SSR1: variants seen among roughly 807,000 people sequenced by gnomAD.
SSR1 encodes translocon-associated protein subunit alpha.
In SSR1, 13 loss-of-function variants were observed where a neutral mutation model predicts 36.1. The ratio of observed to expected loss-of-function variants is 0.36; its 90% CI spans 0.23 to 0.57. The LOEUF is 0.57. Among genes scored for constraint, SSR1 ranks in the 20% least tolerant of loss-of-function variants. The pLI is 0.81. For synonymous variants in SSR1, 113 were observed against 118.9 expected, an observed-to-expected ratio of 0.95 and a Z score of 0.32; for missense variants, 291 against 338.5, an observed-to-expected ratio of 0.86 and a Z score of 1.10.
intron 3 of SSR1, among the ~76,000 whole-genome samples, chr6:7,302,304 G>A (rs1329122608): frequency 2.0e-5 from 3 of 152,206 alleles, no homozygotes; most frequent in South Asian, 4.1e-4. Context: ...TCTGGATCCT[G>A]TGTTCTCCAA....
intron 5 of SSR1, among the ~76,000 whole-genome samples, chr6:7,298,326 C>T (rs1757847874): frequency 6.6e-6 from 1 of 152,050 alleles, no homozygotes; most frequent in African/African-American, 2.4e-5. Context: ...TTAAAAATTA[C>T]CTTAAGTGAA....
At chr6:7,294,499 C>A (rs1757749484) in intron 7 of SSR1, among the ~76,000 whole-genome samples, 1 of 151,320 alleles carries the variant, frequency 6.6e-6, no homozygotes, top group African/African-American at 2.4e-5. Context: ...GCCAGCCAGG[C>A]CAACATGGTG....
chr6:7,307,134 T>G (rs78571756), intron 2 of SSR1, among the ~76,000 whole-genome samples: 1 of 152,024 alleles, frequency 6.6e-6, no homozygotes, highest in African/African-American at 2.4e-5. Flanking sequence ...CAGCTGAGTA[T>G]AGGGTGATAA....
At chr6:7,300,746 G>T (rs1315254049) in intron 4 of SSR1, among the ~76,000 whole-genome samples, 6 of 151,468 alleles carry the variant, frequency 4.0e-5, no homozygotes, top group Non-Finnish European at 8.9e-5. Context: ...AGGTTCAAGT[G>T]ATTCTCCTGC....
Position 7,284,172 on chromosome 6 carries a change from T to C in SSR1, c.*5692A>G, listed in dbSNP as rs1757494982. 1 of 152,258 alleles carries C rather than the reference T, an allele frequency of 6.6e-6. No homozygotes were observed. The highest frequency in any genetic ancestry group is 1.5e-5 in the Non-Finnish European group (1 of 68,048). The allele number at this position is 152,258 out of a possible 1,614,324, so 9.4% of individuals were successfully genotyped here. A position where few individuals can be genotyped will look rare whatever the true frequency, so the allele number is the denominator to read the frequency against. On this transcript the variant is annotated 3_prime_UTR_variant, in exon 8 of 8. Transcript: ENST00000244763. ...ATTTTCTTTGGGTGGTTCAGTCTGATGCTGAAATAAATTGCAAGATGATTT... is the reference window on the plus strand; with the variant it reads ...ATTTTCTTTGGGTGGTTCAGTCTGACGCTGAAATAAATTGCAAGATGATTT...
chr6:7,297,802 A>T, intron 6 of SSR1, 121 bp downstream of exon 6: 1 of 641,484 alleles, frequency 1.6e-6, no homozygotes, highest in Non-Finnish European at 2.7e-6. Context: ...TTAAAAAGGT[A>T]CAACAAAGTT....
rs1429360118 is a variant in SSR1, at chr6:7,281,571, T to C, written c.*8293A>G. 1 of 152,262 alleles carries C rather than the reference T, an allele frequency of 6.6e-6. No homozygotes were observed. Among genetic ancestry groups the C allele is most frequent in the African/African-American group, 2.4e-5 (1 of 41,468 alleles). 9.4% of individuals were successfully genotyped at this position (152,262 alleles called of 1,614,324 possible). A position where few individuals can be genotyped will look rare whatever the true frequency, so the allele number is the denominator to read the frequency against. ...CCACAAGTATTTCATCCCAACTAAA[T>C]TCCAATTTCTTCAATGTTCTCTGAG... On this transcript the variant is annotated 3_prime_UTR_variant, in exon 8 of 8. Coordinates refer to ENST00000244763, the MANE Select transcript of SSR1 (RefSeq NM_003144.5).
At chr6:7,301,246 T>A (rs1053230544) in intron 4 of SSR1, 64 bp downstream of exon 4, 3 of 1,555,962 alleles carry the variant, frequency 1.9e-6, no homozygotes, top group Admixed American at 3.9e-5. Context: ...TATATTCTAT[T>A]AAACAACGTC....
At position 7,298,820 on chromosome 6, in the gene SSR1, T is replaced by G. The variant is rs569383480; in HGVS notation, c.547A>C (p.Asn183His). The G allele has an allele frequency of 2.1e-4, 331 of 1,611,902 alleles. 2 individuals carry two copies. The South Asian group carries it at 3.4e-3, about 16-fold the overall frequency. ...INLNYKDLNG[N>H]VFQDAVFNQT... ...TTGAAGACTGCATCTTGGAATACAT[T>G]GCCCTGTTTAAGAAAATAAAATAAT... The change falls in exon 5 of 8, where the codon AAT (asparagine) becomes CAT (histidine). Residue 183 changes from asparagine (N) to histidine (H), a missense_variant. By Grantham distance (68) the Asn-to-His change is moderately conservative. Transcript: ENST00000244763.
At chr6:7,305,030 T>C (rs1758025134) in intron 2 of SSR1, among the ~76,000 whole-genome samples, 1 of 152,184 alleles carries the variant, frequency 6.6e-6, no homozygotes, top group African/African-American at 2.4e-5. Flanking sequence ...TAAGTTTCTA[T>C]TCTGAGAAAA....
intron 4 of SSR1, 59 bp from the exon 5 acceptor site, chr6:7,298,882 G>T: frequency 1.5e-6 from 2 of 1,351,862 alleles, no homozygotes; most frequent in Non-Finnish European, 2.1e-6. Flanking sequence ...AGTAAAACAT[G>T]TAACATTACT....
rs1757491869 is a variant in SSR1 at position 7,284,056 on chromosome 6, G to A, written c.*5808C>T. The A allele has an allele frequency of 6.6e-6, 1 of 152,206 alleles. No homozygotes were observed. The highest frequency in any genetic ancestry group is 2.1e-4 in the South Asian group (1 of 4,832). 9.4% of individuals were successfully genotyped at this position (152,206 alleles called of 1,614,324 possible). ...CACAGTATTTCTCATTCTCCTTTCTGAAATGCCTCTAGGCCTTAAGCGCCT... is the reference window on the plus strand; with the variant it reads ...CACAGTATTTCTCATTCTCCTTTCTAAAATGCCTCTAGGCCTTAAGCGCCT... On this transcript the variant is annotated 3_prime_UTR_variant, in exon 8 of 8. Transcript: ENST00000244763.
intron 2 of SSR1, among the ~76,000 whole-genome samples, chr6:7,304,666 A>T (rs1758012115): frequency 1.3e-5 from 2 of 152,240 alleles, no homozygotes; most frequent in Admixed American, 1.3e-4. Context: ...AATTTTTTTA[A>T]AATGTGAACA....
rs1294297392 is a variant in SSR1 at position 7,285,178 on chromosome 6, A to C, written c.*4686T>G. 1 of 152,226 alleles carries C rather than the reference A, an allele frequency of 6.6e-6. No individual in the cohort carries two copies. Among genetic ancestry groups the C allele is most frequent in the East Asian group, 1.9e-4 (1 of 5,198 alleles). 9.4% of individuals were successfully genotyped at this position (152,226 alleles called of 1,614,324 possible). A position where few individuals can be genotyped will look rare whatever the true frequency, so the allele number is the denominator to read the frequency against. ...TCACAGTCCAGAAGGAGATGTCAACAAGATGACAGGCTGCCATGGGTACTG... is the reference window on the plus strand; with the variant it reads ...TCACAGTCCAGAAGGAGATGTCAACCAGATGACAGGCTGCCATGGGTACTG... On this transcript the variant is annotated 3_prime_UTR_variant, in exon 8 of 8. Coordinates refer to ENST00000244763, the MANE Select transcript of SSR1 (RefSeq NM_003144.5). This position sits in a 1 kb window ranked among gnomAD's most constrained non-coding sequence, Gnocchi z 4.1.
At chr6:7,291,731 A>C (rs1443064601) in intron 7 of SSR1, among the ~76,000 whole-genome samples, 1 of 152,334 alleles carries the variant, frequency 6.6e-6, no homozygotes, top group East Asian at 1.9e-4. Context: ...TGAGGATTCA[A>C]AAAGTACTCT....
intron 2 of SSR1, among the ~76,000 whole-genome samples, chr6:7,307,526 C>G (rs9405334): frequency 0.054 from 8,205 of 152,236 alleles, 297 homozygotes; most frequent in East Asian, 0.14. Flanking sequence ...CTTCTCTACT[C>G]CCTACCCTCT....
At chr6:7,294,656 A>G (rs1172513300) in intron 7 of SSR1, among the ~76,000 whole-genome samples, 2 of 152,130 alleles carry the variant, frequency 1.3e-5, no homozygotes, top group African/African-American at 2.4e-5. Flanking sequence ...ATGCCACTGC[A>G]CTCCAGCCTG....
At chr6:7,298,609 A>T (rs1413291317) in intron 5 of SSR1, 138 bp downstream of exon 5, 3 of 614,130 alleles carry the variant, frequency 4.9e-6, no homozygotes, top group Non-Finnish European at 2.9e-6. Context: ...TGAAGTATGA[A>T]TGAATATCGT....
intron 4 of SSR1, 60 bp downstream of exon 4, chr6:7,301,250 C>A (rs1376000824): frequency 1.3e-6 from 2 of 1,563,960 alleles, no homozygotes; most frequent in Admixed American, 1.9e-5. Flanking sequence ...TTCTATTAAA[C>A]AACGTCACCG....
Sources: gnomAD v4.1 joint callset for allele counts (sites outside exome capture counted in the v4.1 genomes callset) on GRCh38, gnomAD v4.1.1 for gene constraint, Gnocchi (gnomAD v3.1) non-coding constraint, MANE v1.5 for transcripts, NCBI Gene and HGNC (gene_info 2026-07-23, HGNC 2026-07-21) for gene names.